The following MREG variants were observed in gnomAD, a reference collection of about 807,000 sequenced individuals.
MREG encodes the protein melanoregulin, also known as dilute suppressor protein homolog.
MREG carries 31 observed loss-of-function variants against 28.5 expected under a neutral mutation model. The ratio of observed to expected loss-of-function variants is 1.09; its 90% CI spans 0.82 to 1.47. The LOEUF (loss-of-function observed/expected upper bound fraction) is 1.47, where lower values mean the gene tolerates loss of function less well. Among genes scored for constraint, MREG ranks in the 40% most tolerant of loss-of-function variants. The pLI is 0.00. For missense variants in MREG, 256 were observed against 257.4 expected (o/e 0.99, Z 0.04); for synonymous variants, 106 against 95.2 (o/e 1.11, Z -0.66).
chr2:215,949,040 T>G (rs1241479169), intron 2 of MREG, among the ~76,000 whole-genome samples: 1 of 108,368 alleles, frequency 9.2e-6, no homozygotes, highest in African/African-American at 3.6e-5. Context: ...CTGTCTCTAC[T>G]ACTACTACTA....
chr2:216,024,888 A>C (rs1414759622), intron 1 of MREG, among the ~76,000 whole-genome samples: 4 of 148,850 alleles, frequency 2.7e-5, no homozygotes, highest in Non-Finnish European at 1.5e-5. Context: ...GTCTCAAAAA[A>C]AAAAAAGGAA....
upstream of MREG, chr2:216,033,537 G>C (rs960333359): frequency 6.6e-6 from 1 of 152,292 alleles, no homozygotes; most frequent in African/African-American, 2.4e-5. Flanking sequence ...CAGGATGCCA[G>C]GAAGCAGCAA....
At chr2:216,031,691 G>GAAAGAGAGAAAGAA (rs1473248845) in intron 1 of MREG, among the ~76,000 whole-genome samples, 1 of 61,102 alleles carries the variant, frequency 1.6e-5, no homozygotes, top group Non-Finnish European at 3.3e-5. Context: ...AAGAAAGAAA[G>GAAAGAGAGAAAGAA]AGAAAGAAAG....
chr2:216,025,145 T>C (rs1303164050), intron 1 of MREG, among the ~76,000 whole-genome samples: 1 of 152,232 alleles, frequency 6.6e-6, no homozygotes, highest in African/African-American at 2.4e-5. Context: ...TTAATGTTTA[T>C]GTTTTCTCTA....
At chr2:216,011,414 T>C (rs1243393099) in intron 1 of MREG, among the ~76,000 whole-genome samples, 1 of 152,230 alleles carries the variant, frequency 6.6e-6, no homozygotes, top group Admixed American at 6.5e-5. Flanking sequence ...CTACAATTTA[T>C]TGAGTGTTAA....
At position 215,976,635 on chromosome 2, in the gene MREG, A is replaced by G. The variant is rs114971783; in HGVS notation, c.255+19671T>C. 8.4e-3 allele frequency among the ~76,000 whole-genome samples: 1,276 copies of G among 152,348 alleles called. 14 individuals carry two copies. The highest frequency in any genetic ancestry group is 0.029 in the African/African-American group (1,209 of 41,576). On this transcript the variant is annotated intron_variant, in intron 2 of 4. Transcript: ENST00000263268. ...ACATCTGGAGTACAGGGAGTGCTCC[A>G]TAAGTGTCAGTTGTCGGGAAGCCCA...
chr2:215,959,734 C>G (rs1376669305), intron 2 of MREG, among the ~76,000 whole-genome samples: 1 of 152,206 alleles, frequency 6.6e-6, no homozygotes, highest in African/African-American at 2.4e-5. Flanking sequence ...GAACACCACT[C>G]TATCCTCCGG....
downstream of MREG, chr2:215,939,320 G>T (rs1482184641): frequency 6.6e-6 from 1 of 152,026 alleles, no homozygotes; most frequent in Non-Finnish European, 1.5e-5. Flanking sequence ...AAGTGAAGAC[G>T]ATATATTTAT....
chr2:215,988,545 T>C (rs1306096748), intron 2 of MREG, among the ~76,000 whole-genome samples: 1 of 151,966 alleles, frequency 6.6e-6, no homozygotes, highest in African/African-American at 2.4e-5. Flanking sequence ...CGACACAGAA[T>C]CATTTACTCC....
At chr2:215,950,041 C>G (rs1692444629) in intron 2 of MREG, among the ~76,000 whole-genome samples, 1 of 152,212 alleles carries the variant, frequency 6.6e-6, no homozygotes, top group Non-Finnish European at 1.5e-5. Context: ...GCTTTCTGGA[C>G]TTCATGAAAA....
intron 1 of MREG, among the ~76,000 whole-genome samples, chr2:216,007,183 C>G (rs1694176132): frequency 6.6e-6 from 1 of 152,292 alleles, no homozygotes; most frequent in East Asian, 1.9e-4. Context: ...TTTGGAGATT[C>G]TGCATTTGCA....
At chr2:215,995,664 G>A (rs1249876620) in intron 2 of MREG, among the ~76,000 whole-genome samples, 1 of 152,086 alleles carries the variant, frequency 6.6e-6, no homozygotes, top group Non-Finnish European at 1.5e-5. Context: ...ACTCAAACAT[G>A]ACTTTCCAAA....
At chr2:215,975,554 G>C (rs1418457556) in intron 2 of MREG, among the ~76,000 whole-genome samples, 1 of 152,118 alleles carries the variant, frequency 6.6e-6, no homozygotes, top group Non-Finnish European at 1.5e-5. Context: ...ATACCATTTG[G>C]GGGCAGCCAC....
chr2:215,978,249 A>G, intron 2 of MREG, among the ~76,000 whole-genome samples: 1 of 152,220 alleles, frequency 6.6e-6, no homozygotes, highest in Non-Finnish European at 1.5e-5. Context: ...AGAATACTAT[A>G]AACACCTCTA....
intron 3 of MREG, 57 bp from the exon 4 acceptor site, chr2:215,945,791 G>T: frequency 6.8e-7 from 1 of 1,461,696 alleles, no homozygotes; most frequent in Non-Finnish European, 9.4e-7. Context: ...CAAGTGTTCC[G>T]CAATACGGTC....
chr2:216,018,902 A>T (rs576428731), intron 1 of MREG, among the ~76,000 whole-genome samples: 10 of 152,248 alleles, frequency 6.6e-5, no homozygotes, highest in Non-Finnish European at 1.5e-4. Flanking sequence ...GGAAATGGAC[A>T]TGTGACCAAG....
intron 1 of MREG, among the ~76,000 whole-genome samples, chr2:215,996,787 T>C (rs113569470): frequency 0.037 from 5,567 of 152,006 alleles, 289 homozygotes; most frequent in African/African-American, 0.12. Context: ...CTTTTTTTTT[T>C]TGAGACAGAG....
At chr2:216,022,680 G>T (rs974413438) in intron 1 of MREG, among the ~76,000 whole-genome samples, 1 of 152,120 alleles carries the variant, frequency 6.6e-6, no homozygotes, top group Non-Finnish European at 1.5e-5. Context: ...CGGAAGACAA[G>T]CCCCCTACTA....
chr2:216,009,398 C>T (rs1694240097), intron 1 of MREG, among the ~76,000 whole-genome samples: 1 of 151,802 alleles, frequency 6.6e-6, no homozygotes, highest in African/African-American at 2.4e-5. Flanking sequence ...CACCTGTAAT[C>T]CCAGCACTGA....
Sources: allele counts gnomAD v4.1 joint callset (sites outside exome capture counted in the v4.1 genomes callset), GRCh38; gene constraint gnomAD v4.1.1; transcripts MANE v1.5; gene names NCBI Gene and HGNC (gene_info 2026-07-23, HGNC 2026-07-21).